THSD7A: variants seen among roughly 807,000 people sequenced by gnomAD.
THSD7A encodes the protein thrombospondin type-1 domain-containing protein 7A.
Under a neutral mutation model 231.3 loss-of-function variants are expected in THSD7A, and 96 were observed. The observed-to-expected ratio is 0.41, with a 90% CI of 0.35 to 0.49. The LOEUF is 0.49. Ranked by LOEUF, THSD7A falls within the 20% of genes least tolerant of loss-of-function variation. THSD7A has a pLI of 0.05. For synonymous variants in THSD7A, 940 were observed against 743.3 expected (o/e 1.26, Z -4.30); for missense variants, 2,290 against 2,070.2 (o/e 1.11, Z -2.06).
At chr7:11,552,416 A>C (rs2128326570) in intron 4 of THSD7A, among the ~76,000 whole-genome samples, 1 of 152,252 alleles carries the variant, frequency 6.6e-6, no homozygotes, top group South Asian at 2.1e-4. Flanking sequence ...CGTTTTTTAA[A>C]AAATAAGTTT....
intron 2 of THSD7A, among the ~76,000 whole-genome samples, chr7:11,613,127 T>C (rs1780988206): frequency 6.6e-6 from 1 of 152,218 alleles, no homozygotes; most frequent in Non-Finnish European, 1.5e-5. Context: ...ATAGATATAA[T>C]AAAAATTCAG....
intron 6 of THSD7A, among the ~76,000 whole-genome samples, chr7:11,533,643 T>G (rs6962573): frequency 0.35 from 53,732 of 151,868 alleles, 10,202 homozygotes; most frequent in East Asian, 0.52. Context: ...CACAGGAAGA[T>G]AAAACCAAAT....
At chr7:11,448,420 G>A (rs1417005461) in intron 11 of THSD7A, among the ~76,000 whole-genome samples, 4 of 152,188 alleles carry the variant, frequency 2.6e-5, no homozygotes, top group Admixed American at 2.6e-4. Context: ...TGGTCCTAAA[G>A]TTGGCTTCAC....
chr7:11,725,903 C>T (rs1781529221), intron 1 of THSD7A, among the ~76,000 whole-genome samples: 1 of 151,836 alleles, frequency 6.6e-6, no homozygotes, highest in African/African-American at 2.4e-5. Flanking sequence ...ATTGTTGCAA[C>T]ATAAAATTTT....
intron 6 of THSD7A, among the ~76,000 whole-genome samples, chr7:11,527,892 G>C (rs1788544621): frequency 1.3e-5 from 2 of 152,112 alleles, no homozygotes; most frequent in Admixed American, 1.3e-4. Context: ...GGTGGCTCAT[G>C]CCTCTAATTC....
chr7:11,557,721 G>A (rs1238454310), intron 4 of THSD7A, among the ~76,000 whole-genome samples: 1 of 152,106 alleles, frequency 6.6e-6, no homozygotes, highest in Non-Finnish European at 1.5e-5. Flanking sequence ...GGAACTTCTA[G>A]TTACTTTTAT....
At chr7:11,404,070 G>A (rs1051857105) in intron 22 of THSD7A, among the ~76,000 whole-genome samples, 8 of 152,022 alleles carry the variant, frequency 5.3e-5, no homozygotes, top group African/African-American at 1.9e-4. Context: ...TTAAAACAAT[G>A]TGTTTGCTCT....
chr7:11,517,316 G>C (rs1291276903), intron 6 of THSD7A, among the ~76,000 whole-genome samples: 2 of 152,098 alleles, frequency 1.3e-5, no homozygotes, highest in African/African-American at 2.4e-5. Flanking sequence ...CTGACCTCGT[G>C]ATCCGCCCAC....
chr7:11,671,803 C>G (rs1300924589), intron 1 of THSD7A, among the ~76,000 whole-genome samples: 1 of 152,080 alleles, frequency 6.6e-6, no homozygotes, highest in Non-Finnish European at 1.5e-5. Flanking sequence ...AACTAGGATG[C>G]TTAAAATTTT....
At chr7:11,533,526 A>T (rs186849353) in intron 6 of THSD7A, among the ~76,000 whole-genome samples, 3 of 152,328 alleles carry the variant, frequency 2.0e-5, no homozygotes, top group East Asian at 3.9e-4. Flanking sequence ...GATAAAGAAA[A>T]TGTGGGACAC....
At chr7:11,656,937 A>T (rs1782732135) in intron 1 of THSD7A, among the ~76,000 whole-genome samples, 1 of 151,864 alleles carries the variant, frequency 6.6e-6, no homozygotes. Flanking sequence ...AGAGAAAAAG[A>T]TTAACTTTGA....
At position 11,446,023 on chromosome 7, in the gene THSD7A, C is replaced by T. The variant is rs375885516; in HGVS notation, c.3064+38G>A. The T allele has an allele frequency of 4.6e-4, 737 of 1,610,340 alleles. 5 individuals are homozygous for T. The South Asian group carries it at 7.3e-3, about 16-fold the overall frequency. ...CGTGTGCATTTTCCCTCCACACTCC[C>T]GAAGATAGCAAATATGTAACAATGA... On this transcript the variant is annotated intron_variant, in intron 13 of 27. Coordinates refer to ENST00000423059, the MANE Select transcript of THSD7A (RefSeq NM_015204.3). This position sits in a 1 kb window ranked among gnomAD's most constrained non-coding sequence, Gnocchi z 4.0.
chr7:11,666,677 G>GTT (rs34380473), intron 1 of THSD7A, among the ~76,000 whole-genome samples: 1 of 150,616 alleles, frequency 6.6e-6, no homozygotes, highest in Non-Finnish European at 1.5e-5. Flanking sequence ...TGATGAAACT[G>GTT]TTTTTTGATT....
chr7:11,647,193 T>A lies in THSD7A; in HGVS notation c.191-10232A>T, dbSNP rs143392981. Among the ~76,000 whole-genome samples the A allele has an allele frequency of 1.5e-3, 223 of 152,154 alleles. 2 individuals are homozygous for A. The highest frequency in any genetic ancestry group is 5.0e-3 in the African/African-American group (209 of 41,552). On this transcript the variant is annotated intron_variant, in intron 1 of 27. Transcript: ENST00000423059. ...ATTAAATCCAATGAATCACAGACTC[T>A]CTCCCTCAATATTATGGCTAGTTCA... is the stretch of plus-strand genomic sequence containing the variant.
At chr7:11,772,885 C>T (rs1783279948) in intron 1 of THSD7A, among the ~76,000 whole-genome samples, 3 of 152,202 alleles carry the variant, frequency 2.0e-5, no homozygotes, top group Middle Eastern at 6.8e-3. Flanking sequence ...AAAAAAAGTT[C>T]ATTTTGATAA....
intron 2 of THSD7A, among the ~76,000 whole-genome samples, chr7:11,617,541 C>T (rs1160404319): frequency 1.3e-5 from 2 of 152,110 alleles, no homozygotes; most frequent in South Asian, 2.1e-4. Flanking sequence ...TGAATGCTAA[C>T]GGAGACCTAG....
At chr7:11,487,320 C>T (rs1028332193) in intron 6 of THSD7A, among the ~76,000 whole-genome samples, 1 of 152,040 alleles carries the variant, frequency 6.6e-6, no homozygotes, top group Non-Finnish European at 1.5e-5. Context: ...GAACTGAGAT[C>T]AGTGGATAGT....
At chr7:11,755,636 G>C (rs1307491444) in intron 1 of THSD7A, among the ~76,000 whole-genome samples, 2 of 152,028 alleles carry the variant, frequency 1.3e-5, no homozygotes, top group Non-Finnish European at 2.9e-5. Flanking sequence ...GGAAGTCTTT[G>C]GACCAAAAAT....
chr7:11,482,993 C>T (rs976737145), intron 6 of THSD7A, among the ~76,000 whole-genome samples: 1 of 152,098 alleles, frequency 6.6e-6, no homozygotes, highest in Non-Finnish European at 1.5e-5. Context: ...GTCAAGGGAA[C>T]AGAACAGAAT....
Sources: gnomAD v4.1 joint callset for allele counts (sites outside exome capture counted in the v4.1 genomes callset) on GRCh38, gnomAD v4.1.1 for gene constraint, Gnocchi (gnomAD v3.1) non-coding constraint, MANE v1.5 for transcripts, NCBI Gene and HGNC (gene_info 2026-07-23, HGNC 2026-07-21) for gene names.